CCDC171: variants seen among roughly 807,000 people sequenced by gnomAD.
The protein encoded by CCDC171 is coiled-coil domain containing 171, also known as coiled-coil domain-containing protein 171.
Under a neutral mutation model 168.2 loss-of-function variants are expected in CCDC171, and 177 were observed. The observed-to-expected ratio is 1.05, with a 90% CI of 0.93 to 1.19. The LOEUF (loss-of-function observed/expected upper bound fraction) is 1.19. CCDC171 is among the 50% of genes most tolerant of loss of function. The pLI is 0.00. For missense variants in CCDC171, 1,991 were observed against 1,539.0 expected (o/e 1.29, Z -4.91); for synonymous variants, 687 against 540.8 (o/e 1.27, Z -3.75).
chr9:15,620,173 T>G (rs955818979), intron 6 of CCDC171, among the ~76,000 whole-genome samples: 1 of 152,212 alleles, frequency 6.6e-6, no homozygotes, highest in Non-Finnish European at 1.5e-5. Flanking sequence ...CAATGAAGAA[T>G]TTTGACTTTC....
intron 6 of CCDC171, among the ~76,000 whole-genome samples, chr9:16,030,550 T>C (rs1452217883): frequency 2.0e-5 from 3 of 152,202 alleles, no homozygotes; most frequent in Admixed American, 2.0e-4. Flanking sequence ...AATATGAACA[T>C]TTGATATGCA....
Position 16,050,247 on chromosome 9 carries a change from T to C in CCDC171, n.89+7361T>C, listed in dbSNP as rs1026069510. The stretch of plus-strand genomic sequence containing the variant: ...TGTATAATTGTTGATAAGTCAAGTG[T>C]ATGAGGCTACTTAATGGTAAAGGAT... On this transcript the variant is annotated intron_variant and non_coding_transcript_variant, in intron 1 of 1. Transcript: ENST00000478913. 2.0e-5 allele frequency among the ~76,000 whole-genome samples: 3 copies of C among 152,230 alleles called. No homozygotes were observed. The East Asian group carries it at 5.8e-4, about 29-fold the overall frequency.
the CCDC171 span, among the ~76,000 whole-genome samples, chr9:16,077,692 T>C: frequency 1.1e-4 from 16 of 152,188 alleles, no homozygotes; most frequent in Admixed American, 3.3e-4. Flanking sequence ...CACTCACAGA[T>C]GTAAGAGGGG....
chr9:15,887,541 C>A (rs890354485), intron 24 of CCDC171, among the ~76,000 whole-genome samples: 5 of 152,100 alleles, frequency 3.3e-5, no homozygotes, highest in Non-Finnish European at 4.4e-5. Flanking sequence ...AACAGCAATT[C>A]ATGAGTTGTA....
chr9:15,995,143 T>G (rs532184089), intron 3 of CCDC171, among the ~76,000 whole-genome samples: 1 of 152,146 alleles, frequency 6.6e-6, no homozygotes. Context: ...CAAGAAAAAG[T>G]TTTTATATTT....
chr9:15,766,426 A>G (rs972014581), intron 18 of CCDC171, among the ~76,000 whole-genome samples: 1 of 150,864 alleles, frequency 6.6e-6, no homozygotes, highest in African/African-American at 2.4e-5. Flanking sequence ...TAATTTATAT[A>G]TATGTATATA....
intron 24 of CCDC171, among the ~76,000 whole-genome samples, chr9:15,911,522 T>C (rs1450693277): frequency 6.6e-6 from 1 of 152,214 alleles, no homozygotes; most frequent in Non-Finnish European, 1.5e-5. Flanking sequence ...TGATAGTTTC[T>C]TTTGGTGTGC....
At chr9:15,971,556 A>G in intron 25 of CCDC171, 53 bp from the exon 26 acceptor site, 1 of 1,261,946 alleles carries the variant, frequency 7.9e-7, no homozygotes, top group Non-Finnish European at 1.1e-6. Flanking sequence ...TTTAGGCTCT[A>G]TTTGAGAGTT....
At position 15,721,775 on chromosome 9, in the gene CCDC171, A is replaced by T. The variant is rs771135278; in HGVS notation, c.1325A>T (p.His442Leu). Residue 442 changes from histidine (H) to leucine (L), a missense_variant, in exon 12 of 26, where the codon CAC becomes CTC. Transcript: ENST00000380701. ...TVSGQWTSGI[H>L]KDKDKPPSFS... The stretch of plus-strand genomic sequence containing the variant: ...ATCCTATATTTTTCTCTAGGCATCC[A>T]CAAGGACAAAGATAAACCTCCCAGC... The T allele has an allele frequency of 6.5e-7, 1 of 1,541,610 alleles. No homozygotes were observed. Among genetic ancestry groups the T allele is most frequent in the East Asian group, 2.5e-5 (1 of 40,744 alleles).
the CCDC171 span, among the ~76,000 whole-genome samples, chr9:16,103,893 A>G: frequency 6.6e-6 from 1 of 152,196 alleles, no homozygotes; most frequent in Non-Finnish European, 1.5e-5. Context: ...GAGGTCGTCC[A>G]GAGGAAATTA....
At chr9:15,619,717 T>G (rs2044360642) in intron 6 of CCDC171, among the ~76,000 whole-genome samples, 1 of 152,198 alleles carries the variant, frequency 6.6e-6, no homozygotes, top group Non-Finnish European at 1.5e-5. Context: ...ACAACAGATT[T>G]TCATTGCAGA....
intron 24 of CCDC171, among the ~76,000 whole-genome samples, chr9:15,890,785 A>AT (rs552922463): frequency 2.6e-5 from 4 of 152,110 alleles, no homozygotes; most frequent in Admixed American, 6.6e-5. Context: ...TGGTAACAAT[A>AT]TTTTTTTCAG....
chr9:15,600,398 C>T (rs990605658), intron 6 of CCDC171, among the ~76,000 whole-genome samples: 3 of 152,178 alleles, frequency 2.0e-5, no homozygotes, highest in Admixed American at 1.3e-4. Context: ...TGCTGGAGGT[C>T]CACTCCAGAC....
intron 25 of CCDC171, among the ~76,000 whole-genome samples, chr9:15,971,267 A>G (rs367933709): frequency 3.3e-5 from 5 of 152,162 alleles, no homozygotes; most frequent in African/African-American, 4.8e-5. Flanking sequence ...TGCTATTAGC[A>G]TCGGTTTCTG....
At chr9:15,611,627 A>G (rs1452918073) in intron 6 of CCDC171, among the ~76,000 whole-genome samples, 7 of 151,404 alleles carry the variant, frequency 4.6e-5, no homozygotes, top group Admixed American at 2.0e-4. Flanking sequence ...TCTTACCCCA[A>G]CCCCCAGTTG....
At chr9:15,587,737 A>G (rs1587175876) in intron 4 of CCDC171, 1 of 436,708 alleles carries the variant, frequency 2.3e-6, no homozygotes, top group Non-Finnish European at 4.6e-6. Context: ...TATAGTTTCT[A>G]ACTTTTAATG....
chr9:15,971,808 C>G lies in CCDC171; in HGVS notation c.3953C>G (p.Ala1318Gly), dbSNP rs1490017162. The G allele has an allele frequency of 4.3e-6, 7 of 1,613,118 alleles. No homozygotes were observed. Among genetic ancestry groups the G allele is most frequent in the Non-Finnish European group, 5.9e-6 (7 of 1,179,184 alleles). The change falls in exon 26 of 26, where the codon GCC (alanine) becomes GGC (glycine). Residue 1318 changes from alanine (A) to glycine (G), a missense_variant. Coordinates refer to ENST00000380701, the MANE Select transcript of CCDC171 (RefSeq NM_173550.4). Reference protein sequence around the residue: ...HSSPVTMSANANRPTQIGL With the variant: ...HSSPVTMSANGNRPTQIGL Reference sequence around the variant, plus strand: ...TCTCCAGTGACTATGTCTGCTAATGCCAACAGACCAACTCAGATTGGATTA... The same window carrying G: ...TCTCCAGTGACTATGTCTGCTAATGGCAACAGACCAACTCAGATTGGATTA...
At chr9:16,107,943 A>G in the CCDC171 span, among the ~76,000 whole-genome samples, 8 of 152,162 alleles carry the variant, frequency 5.3e-5, no homozygotes, top group African/African-American at 1.9e-4. Flanking sequence ...TAATGTAACT[A>G]TTATAAAGTG....
chr9:16,008,009 C>T (rs566863736), intron 3 of CCDC171, among the ~76,000 whole-genome samples: 1 of 152,120 alleles, frequency 6.6e-6, no homozygotes, highest in Non-Finnish European at 1.5e-5. Context: ...TTTGCAAATA[C>T]CTTTTCCATT....
Sources: gnomAD v4.1 joint callset for allele counts (sites outside exome capture counted in the v4.1 genomes callset) on GRCh38, gnomAD v4.1.1 for gene constraint, MANE v1.5 for transcripts, NCBI Gene and HGNC (gene_info 2026-07-23, HGNC 2026-07-21) for gene names.